Variants in PHF3 observed in about 807,000 individuals in gnomAD.
The protein encoded by PHF3 is PHD finger protein 3.
In PHF3, 41 loss-of-function variants were observed where a neutral mutation model predicts 178.4. That is an observed-to-expected ratio of 0.23 (90% CI 0.18 to 0.30). The LOEUF (loss-of-function observed/expected upper bound fraction) is 0.30. PHF3 is among the 10% of genes least tolerant of loss of function. The pLI, the probability that PHF3 is intolerant of heterozygous loss-of-function variation, is 1.00. For missense variants in PHF3, 2,346 were observed against 2,398.1 expected, an observed-to-expected ratio of 0.98 and a Z score of 0.45; for synonymous variants, 842 against 800.5, an observed-to-expected ratio of 1.05 and a Z score of -0.88.
intron 1 of PHF3, chr6:63,636,915 A>T (rs1764367620): frequency 6.6e-6 from 1 of 152,306 alleles, no homozygotes; most frequent in African/African-American, 2.4e-5. Flanking sequence ...GATATCGCGC[A>T]CGGAGTCCTG....
intron 3 of PHF3, among the ~76,000 whole-genome samples, chr6:63,683,795 C>G (rs1341222610): frequency 6.6e-6 from 1 of 152,034 alleles, no homozygotes; most frequent in African/African-American, 2.4e-5. Context: ...GTAAAGGAAG[C>G]TCATTTTACT....
intron 1 of PHF3, among the ~76,000 whole-genome samples, chr6:63,639,972 CTG>C (rs1051759833): frequency 2.0e-5 from 3 of 152,132 alleles, no homozygotes; most frequent in African/African-American, 7.2e-5. Flanking sequence ...TACTGTAATT[CTG>C]TGTTTGCCAG....
intron 4 of PHF3, among the ~76,000 whole-genome samples, chr6:63,687,928 C>T (rs1204042214): frequency 1.3e-5 from 2 of 152,094 alleles, no homozygotes; most frequent in African/African-American, 2.4e-5. Context: ...AATAATTTAA[C>T]ATTGGAAACA....
Position 63,702,450 on chromosome 6 carries a change from G to A in PHF3, c.3100-58G>A, listed in dbSNP as rs573569578. The A allele has an allele frequency of 4.2e-6, 5 of 1,197,912 alleles. No homozygotes were observed. The East Asian group carries it at 1.3e-4, about 31-fold the overall frequency. The allele number at this position is 1,197,912 out of a possible 1,614,324, so 74.2% of individuals were successfully genotyped here. On this transcript the variant is annotated intron_variant, in intron 9 of 15. Coordinates refer to ENST00000262043, the MANE Select transcript of PHF3 (RefSeq NM_001370348.2). ...TAGGTAAGCTCTTATTATTTAAGGT[G>A]TACACTTGGAAATACATATTTTAAA...
chr6:63,665,125 C>T (rs1040353747), intron 2 of PHF3, among the ~76,000 whole-genome samples: 4 of 151,964 alleles, frequency 2.6e-5, no homozygotes, highest in African/African-American at 7.2e-5. Flanking sequence ...CCAGATAATA[C>T]GTAACAATGA....
rs956609337 is a variant in PHF3, at chr6:63,714,351, T to C, written c.*643T>C. On this transcript the variant is annotated 3_prime_UTR_variant, in exon 16 of 16. Coordinates refer to ENST00000262043, the MANE Select transcript of PHF3 (RefSeq NM_001370348.2). ...TTGGCTCTTCAGAAACTTGAATACT[T>C]AAGCTTGTACATGATCTTGTGTTTT... 1 of 152,608 alleles carries C rather than the reference T, an allele frequency of 6.6e-6. No individual in the cohort carries two copies. The highest frequency in any genetic ancestry group is 1.5e-5 in the Non-Finnish European group (1 of 68,010). 9.5% of individuals were successfully genotyped at this position (152,608 alleles called of 1,614,324 possible).
intron 1 of PHF3, among the ~76,000 whole-genome samples, chr6:63,637,099 C>T (rs1001658556): frequency 1.3e-5 from 2 of 152,150 alleles, no homozygotes; most frequent in African/African-American, 4.8e-5. Context: ...CTTTAATATT[C>T]TAGTCCTAAT....
Position 63,713,606 on chromosome 6 carries a change from G to C in PHF3, c.6018G>C (p.Lys2006Asn). 8 of 1,613,332 alleles carry C rather than the reference G, an allele frequency of 5.0e-6. No homozygotes were observed. Among genetic ancestry groups the C allele is most frequent in the Non-Finnish European group, 6.8e-6 (8 of 1,179,762 alleles). ...AACCTAAAAGTGAAGACTATGAGAA[G>C]GACAAAGAACGAGAGAAAAGTAAAC... ...PDKPKSEDYEKDKEREKSKHR... is the reference protein window; with the variant it reads ...PDKPKSEDYENDKEREKSKHR... The change falls in exon 16 of 16, where the codon AAG becomes AAC. Residue 2006 changes from lysine (K) to asparagine (N), a missense_variant. Around this residue, in one of 8 missense-constraint regions of PHF3, gnomAD observed 839 missense variants for 806.9 expected, o/e 1.04. Transcript: ENST00000262043.
intron 2 of PHF3, among the ~76,000 whole-genome samples, chr6:63,652,977 T>C (rs978379984): frequency 6.6e-6 from 1 of 151,672 alleles, no homozygotes; most frequent in African/African-American, 2.4e-5. Flanking sequence ...TAACTCCAGC[T>C]TTATTATTAT....
chr6:63,640,338 C>T (rs907699196), intron 1 of PHF3, among the ~76,000 whole-genome samples: 8 of 152,098 alleles, frequency 5.3e-5, no homozygotes, highest in Non-Finnish European at 1.2e-4. Flanking sequence ...AAGAACTGAC[C>T]TTAGTGTAAT....
chr6:63,692,808 A>T (rs1259887238), intron 5 of PHF3, among the ~76,000 whole-genome samples: 4 of 152,166 alleles, frequency 2.6e-5, no homozygotes, highest in African/African-American at 7.2e-5. Flanking sequence ...CTTCATTTTT[A>T]AGCATCTAAT....
chr6:63,684,505 T>A lies in PHF3; in HGVS notation c.783T>A (p.Thr261=), dbSNP rs1179384960. The change falls in exon 4 of 16, where the codon ACT becomes ACA. Residue 261 remains threonine (T), a synonymous_variant. Transcript: ENST00000262043. Reference sequence around the variant, plus strand: ...TAAATTGTTCACTTCTTTCAGAGACTTGTGTTACTATTGGAGAAAAGAAAA... The same window carrying A: ...TAAATTGTTCACTTCTTTCAGAGACATGTGTTACTATTGGAGAAAAGAAAA... ...HELNCSLLSE[T]CVTIGEKKNE... is the part of the protein sequence containing the mutation. The A allele has an allele frequency of 1.2e-6, 2 of 1,613,588 alleles. No homozygotes were observed. Among genetic ancestry groups the A allele is most frequent in the South Asian group, 2.2e-5 (2 of 91,002 alleles).
intron 1 of PHF3, among the ~76,000 whole-genome samples, chr6:63,641,522 GTGTGTA>G (rs1408921242): frequency 2.5e-3 from 289 of 113,948 alleles, no homozygotes; most frequent in African/African-American, 4.4e-3. Context: ...TTATTGTTAG[GTGTGTA>G]TGTGTGTGTG....
chr6:63,680,398 ATTTTTT>A (rs994238749), intron 3 of PHF3, among the ~76,000 whole-genome samples: 3 of 117,584 alleles, frequency 2.6e-5, no homozygotes, highest in African/African-American at 3.1e-5. Flanking sequence ...AGCTGGTTTA[ATTTTTT>A]TTTTTTTTTT....
rs1476752610 is a variant in PHF3 at position 63,711,160 on chromosome 6, T to C, written c.3802-7T>C. The C allele has an allele frequency of 6.4e-7, 1 of 1,573,304 alleles. No individual in the cohort carries two copies. The highest frequency in any genetic ancestry group is 2.3e-5 in the East Asian group (1 of 44,308). On this transcript the variant is annotated splice_region_variant and splice_polypyrimidine_tract_variant and intron_variant, in intron 14 of 15. Coordinates refer to ENST00000262043, the MANE Select transcript of PHF3 (RefSeq NM_001370348.2). ...CTTAAACAATTATTTGTTATTTTCT[T>C]GAACAGGAAATTTGTGTGGTTCGCT...
At chr6:63,678,786 A>C in intron 2 of PHF3, 1 of 446,974 alleles carries the variant, frequency 2.2e-6, no homozygotes, top group Non-Finnish European at 4.5e-6. Flanking sequence ...TGTGTCATTT[A>C]AAGGTAAACT....
intron 2 of PHF3, among the ~76,000 whole-genome samples, chr6:63,665,171 T>C (rs1765627930): frequency 6.6e-6 from 1 of 152,114 alleles, no homozygotes; most frequent in Non-Finnish European, 1.5e-5. Flanking sequence ...TAGCCCGAGT[T>C]TTTTCTTTTT....
rs760130221 is a variant in PHF3, at chr6:63,646,640, T to C, written c.89T>C (p.Val30Ala). The C allele has an allele frequency of 3.1e-6, 5 of 1,613,876 alleles. No homozygotes were observed. Among genetic ancestry groups the C allele is most frequent in the Non-Finnish European group, 3.4e-6 (4 of 1,179,952 alleles). The change falls in exon 2 of 16, where the codon GTC (valine) becomes GCC (alanine). Residue 30 changes from valine (V) to alanine (A), a missense_variant. Val to Ala is a moderately conservative substitution (Grantham distance 64). This residue lies in a region of PHF3 where 843 missense variants were observed against 795.2 expected (regional missense o/e 1.06). Coordinates refer to ENST00000262043, the MANE Select transcript of PHF3 (RefSeq NM_001370348.2). ...LFLGSNLENE[V>A]CEDFSASQNV... Reference sequence around the variant, plus strand: ...CTAGGATCCAACCTGGAGAATGAAGTCTGTGAGGATTTTAGTGCAAGTCAA... The same window carrying C: ...CTAGGATCCAACCTGGAGAATGAAGCCTGTGAGGATTTTAGTGCAAGTCAA...
In PHF3 at chr6:63,711,881, C is replaced by T. The variant is rs1767942461; in HGVS notation, c.4293C>T (p.Val1431=). 6.2e-7 allele frequency: 1 copy of T among 1,614,028 alleles called. No homozygotes were observed. Among genetic ancestry groups the T allele is most frequent in the Non-Finnish European group, 8.5e-7 (1 of 1,179,938 alleles). The change falls in exon 16 of 16, where the codon GTC becomes GTT. Residue 1431 remains valine (V), a synonymous_variant. Coordinates refer to ENST00000262043, the MANE Select transcript of PHF3 (RefSeq NM_001370348.2). The part of the protein sequence containing the change: ...LPTAVEPLME[V]TKQEPPKPLR... Reference sequence around the variant, plus strand: ...CAGCAGTTGAACCTTTAATGGAAGTCACCAAACAGGAGCCACCAAAACCTT... The same window carrying T: ...CAGCAGTTGAACCTTTAATGGAAGTTACCAAACAGGAGCCACCAAAACCTT...
Sources: allele counts gnomAD v4.1 joint callset (sites outside exome capture counted in the v4.1 genomes callset), GRCh38; gene constraint gnomAD v4.1.1; regional missense constraint gnomAD v4.1.1; transcripts MANE v1.5; gene names NCBI Gene and HGNC (gene_info 2026-07-23, HGNC 2026-07-21).